Variants in TOR1AIP2 observed in about 807,000 individuals in gnomAD.
TOR1AIP2 encodes the protein torsin-1A-interacting protein 2.
TOR1AIP2 carries 20 observed loss-of-function variants against 32.6 expected under a neutral mutation model. That is an observed-to-expected ratio of 0.61 (90% confidence interval 0.43 to 0.89). The LOEUF (loss-of-function observed/expected upper bound fraction) is 0.89. TOR1AIP2 is among the 40% of genes least tolerant of loss of function. The pLI, the probability that TOR1AIP2 is intolerant of heterozygous loss-of-function variation, is 0.00. For synonymous variants in TOR1AIP2, 214 were observed against 210.8 expected (o/e 1.02, Z -0.13); for missense variants, 456 against 553.8 (o/e 0.82, Z 1.77).
chr1:179,847,082 T>A (rs549776957), intron 6 of TOR1AIP2, among the ~76,000 whole-genome samples: 3 of 152,298 alleles, frequency 2.0e-5, no homozygotes, highest in Admixed American at 6.5e-5. Flanking sequence ...CGGTAAAAAA[T>A]TTTTAAAAAT....
At chr1:179,849,040 G>T (rs1480968469) in intron 5 of TOR1AIP2, among the ~76,000 whole-genome samples, 1 of 152,136 alleles carries the variant, frequency 6.6e-6, no homozygotes, top group Non-Finnish European at 1.5e-5. Flanking sequence ...GGAGGCTGAG[G>T]CAGGAGAATG....
At chr1:179,849,060 C>T (rs1311012672) in intron 5 of TOR1AIP2, among the ~76,000 whole-genome samples, 3 of 151,902 alleles carry the variant, frequency 2.0e-5, no homozygotes, top group Non-Finnish European at 2.9e-5. Flanking sequence ...GGCGTGAATC[C>T]GGGAGGCGGA....
rs551198395 is a variant in TOR1AIP2 at position 179,845,687 on chromosome 1, A to C, written c.*384T>G. 1 of 162,750 alleles carries C rather than the reference A, an allele frequency of 6.1e-6. No individual in the cohort carries two copies. Among genetic ancestry groups the C allele is most frequent in the African/African-American group, 2.4e-5 (1 of 41,860 alleles). The allele number at this position is 162,750 out of a possible 1,614,324, so 10.1% of individuals were successfully genotyped here. On this transcript the variant is annotated 3_prime_UTR_variant, in exon 7 of 7. Transcript: ENST00000609928. ...TCTAATTGCTTTAGTCCAAGTCCAA[A>C]CATTATCGAAAAGGTTCTTCAGAGT...
chr1:179,873,803 G>A (rs1697095108), intron 2 of TOR1AIP2: 1 of 152,118 alleles, frequency 6.6e-6, no homozygotes, highest in South Asian at 2.1e-4. Context: ...ATGGGTTAAA[G>A]TCCAATACTA....
chr1:179,861,274 T>C (rs1696519709), intron 3 of TOR1AIP2: 1 of 984,632 alleles, frequency 1.0e-6, no homozygotes, highest in African/African-American at 1.7e-5. Context: ...TATATTTTAA[T>C]AAAATTCATT....
At chr1:179,848,034 GAA>G (rs11445917) in intron 5 of TOR1AIP2, among the ~76,000 whole-genome samples, 1 of 86,722 alleles carries the variant, frequency 1.2e-5, no homozygotes, top group Non-Finnish European at 2.4e-5. Flanking sequence ...CTCCATCTCA[GAA>G]AAAAAAAAAA....
intron 5 of TOR1AIP2, 75 bp downstream of exon 5, chr1:179,850,770 G>A: frequency 6.6e-7 from 1 of 1,507,304 alleles, no homozygotes; most frequent in South Asian, 1.3e-5. Context: ...CTGGAAAGAA[G>A]GCCTCTGACT....
chr1:179,872,252 C>T (rs1346808471), intron 2 of TOR1AIP2, among the ~76,000 whole-genome samples: 1 of 152,186 alleles, frequency 6.6e-6, no homozygotes, highest in Non-Finnish European at 1.5e-5. Context: ...ATCTATGTTG[C>T]TCTAATGCTC....
chr1:179,855,586 C>A (rs938451300), intron 3 of TOR1AIP2, among the ~76,000 whole-genome samples: 14 of 152,060 alleles, frequency 9.2e-5, no homozygotes, highest in African/African-American at 3.1e-4. Flanking sequence ...GCTCTTAAAC[C>A]CCTAATGGCA....
Position 179,851,015 on chromosome 1 carries a change from G to C in TOR1AIP2, c.383C>G (p.Ala128Gly). 1.9e-6 allele frequency: 3 copies of C among 1,614,198 alleles called. No individual in the cohort carries two copies. The highest frequency in any genetic ancestry group is 2.5e-6 in the Non-Finnish European group (3 of 1,180,032). Residue 128 changes from alanine to glycine, a missense_variant, in exon 5 of 7, where the codon GCA becomes GGA. By Grantham distance (60) the Ala-to-Gly change is moderately conservative (BLOSUM62 0). Transcript: ENST00000609928. Reference protein sequence around the residue: ...SHSPSDKVGRADAHLGSSSVA... With the variant: ...SHSPSDKVGRGDAHLGSSSVA... ...AGAGCTGCTCCCTAAGTGTGCATCT[G>C]CTCTTCCTACCTTGTCACTTGGAGA...
At chr1:179,868,492 T>C (rs529477501) in intron 2 of TOR1AIP2, 35 of 152,300 alleles carry the variant, frequency 2.3e-4, no homozygotes, top group African/African-American at 7.9e-4. Context: ...GGAATTGGCA[T>C]TACCTAGTAA....
At chr1:179,876,528 T>C (rs1647320563) in intron 2 of TOR1AIP2, among the ~76,000 whole-genome samples, 1 of 152,218 alleles carries the variant, frequency 6.6e-6, no homozygotes, top group Non-Finnish European at 1.5e-5. Flanking sequence ...TGTTAGTTTT[T>C]CAAACTATTC....
rs748743703 is a variant in TOR1AIP2, at chr1:179,846,531, G to T, written c.953C>A (p.Ala318Asp). 6.2e-7 allele frequency: 1 copy of T among 1,614,030 alleles called. No homozygotes were observed. The highest frequency in any genetic ancestry group is 8.5e-7 in the Non-Finnish European group (1 of 1,180,028). ...LKCLSHHVAD[A>D]YTSSQKVSPI... ...AGAGACTTTCTGGGAAGAGGTGTAG[G>T]CATCTGCAACATGGTGGCTCAGGCA... Residue 318 changes from alanine to aspartate, a missense_variant, in exon 7 of 7, where the codon GCC becomes GAC. Coordinates refer to ENST00000609928, the MANE Select transcript of TOR1AIP2 (RefSeq NM_001199260.2).
chr1:179,867,406 G>GAA, intron 2 of TOR1AIP2: 1 of 152,108 alleles, frequency 6.6e-6, no homozygotes, highest in Non-Finnish European at 1.5e-5. Context: ...TTTCCCTGAG[G>GAA]GTCTGCTGAC....
Position 179,845,620 on chromosome 1 carries a change from T to C in TOR1AIP2, c.*451A>G, listed in dbSNP as rs1261260915. The C allele has an allele frequency of 6.5e-6, 1 of 153,570 alleles. No individual in the cohort carries two copies. The highest frequency in any genetic ancestry group is 1.9e-4 in the East Asian group (1 of 5,222). The allele number at this position is 153,570 out of a possible 1,614,324, so 9.5% of individuals were successfully genotyped here. A position where few individuals can be genotyped will look rare whatever the true frequency, so the allele number is the denominator to read the frequency against. On this transcript the variant is annotated 3_prime_UTR_variant, in exon 7 of 7. Coordinates refer to ENST00000609928, the MANE Select transcript of TOR1AIP2 (RefSeq NM_001199260.2). ...AAGTAAGGTTTGAAAATATTCAACA[T>C]GTGATAGAAAAATTTTCTAAAGGTT...
intron 3 of TOR1AIP2, chr1:179,862,310 C>A (rs1382620768): frequency 8.5e-5 from 84 of 982,718 alleles, no homozygotes; most frequent in Non-Finnish European, 1.0e-4. Context: ...AATTTAGGGG[C>A]AATAATACTG....
intron 3 of TOR1AIP2, chr1:179,862,448 G>A: frequency 1.0e-6 from 1 of 985,328 alleles, no homozygotes; most frequent in Non-Finnish European, 1.2e-6. Flanking sequence ...CAATTTAGCA[G>A]TTCACATAGT....
chr1:179,859,069 AT>A, intron 3 of TOR1AIP2: 2 of 983,700 alleles, frequency 2.0e-6, no homozygotes, highest in Non-Finnish European at 2.4e-6. Flanking sequence ...ACACAATTTT[AT>A]TTTAGTGAAT....
At chr1:179,859,929 G>A in intron 3 of TOR1AIP2, 1 of 769,828 alleles carries the variant, frequency 1.3e-6, no homozygotes, top group Non-Finnish European at 1.6e-6. Context: ...ATAGCTCACT[G>A]AGGCTCAAGT....
Sources: gnomAD v4.1 joint callset for allele counts (sites outside exome capture counted in the v4.1 genomes callset) on GRCh38, gnomAD v4.1.1 for gene constraint, MANE v1.5 for transcripts, NCBI Gene and HGNC (gene_info 2026-07-23, HGNC 2026-07-21) for gene names.